USH2A: variants seen among roughly 807,000 people sequenced by gnomAD.
The protein encoded by USH2A is usherin.
A neutral mutation model predicts 538.9 loss-of-function variants in USH2A; 443 were observed. That is an observed-to-expected ratio of 0.82 (90% CI 0.76 to 0.89). The LOEUF (loss-of-function observed/expected upper bound fraction) is 0.89, where lower values mean the gene tolerates loss of function less well. Among genes scored for constraint, USH2A ranks in the 40% least tolerant of loss-of-function variants. USH2A has a pLI of 0.00. For missense variants in USH2A, 6,633 were observed against 6,324.8 expected (o/e 1.05, Z -1.65); for synonymous variants, 2,413 against 2,273.5 (o/e 1.06, Z -1.75).
At chr1:216,326,097 G>A (rs1413902420) in intron 5 of USH2A, among the ~76,000 whole-genome samples, 1 of 152,194 alleles carries the variant, frequency 6.6e-6, no homozygotes, top group Non-Finnish European at 1.5e-5. Flanking sequence ...AAGGCCATTT[G>A]TCAATGGTTT....
Position 215,904,845 on chromosome 1 carries a change from A to G in USH2A, c.7301-3940T>C, listed in dbSNP as rs116663641. Among the ~76,000 whole-genome samples, 575 of 152,244 alleles carry G rather than the reference A, an allele frequency of 3.8e-3. 1 individual carries two copies. The highest frequency in any genetic ancestry group is 6.4e-3 in the Non-Finnish European group (437 of 67,992). On this transcript the variant is annotated intron_variant, in intron 38 of 71. Transcript: ENST00000307340. ...AATTTAACCTGCTTCAGAAAATCAA[A>G]TTCATACAAAACATTAAGCAATAAA...
intron 43 of USH2A, among the ~76,000 whole-genome samples, chr1:215,876,096 G>C (rs1008238553): frequency 6.6e-6 from 1 of 151,830 alleles, no homozygotes; most frequent in African/African-American, 2.4e-5. Context: ...TCAGCACACA[G>C]TAAGCACAAA....
chr1:216,126,328 AT>A (rs1276119178), intron 21 of USH2A, among the ~76,000 whole-genome samples: 5 of 152,082 alleles, frequency 3.3e-5, no homozygotes, highest in South Asian at 2.1e-4. Context: ...AGTTCAAGCA[AT>A]TTTCCTGTAT....
intron 3 of USH2A, among the ~76,000 whole-genome samples, chr1:216,408,163 C>T (rs1459782804): frequency 2.6e-5 from 4 of 152,022 alleles, no homozygotes; most frequent in Admixed American, 2.6e-4. Flanking sequence ...TCATGGCTTG[C>T]TGTAGGTCTT....
chr1:215,947,561 C>G (rs1220993519), intron 37 of USH2A, among the ~76,000 whole-genome samples: 2 of 152,138 alleles, frequency 1.3e-5, no homozygotes, highest in African/African-American at 4.8e-5. Context: ...TACATATACT[C>G]ACAAGAGATG....
rs181034192 is a variant in USH2A, at chr1:216,262,363, A to C, written c.1972-11265T>G. Among the ~76,000 whole-genome samples the C allele has an allele frequency of 2.4e-4, 36 of 152,258 alleles. 1 individual carries two copies. The highest frequency in any genetic ancestry group is 2.4e-4 in the Non-Finnish European group (16 of 68,008). On this transcript the variant is annotated intron_variant, in intron 11 of 71. Transcript: ENST00000307340. ...TGATCTAAATCAGAAATTCAACAAG[A>C]AATTGGTATCATAAAAATGAACCAA... is the stretch of plus-strand genomic sequence containing the variant.
At chr1:216,268,145 C>A (rs1378563074) in intron 11 of USH2A, among the ~76,000 whole-genome samples, 1 of 152,052 alleles carries the variant, frequency 6.6e-6, no homozygotes, top group Admixed American at 6.6e-5. Flanking sequence ...TCTGTGGCTG[C>A]AGTCCTGCCT....
rs1318193989 is a variant in USH2A at position 215,786,810 on chromosome 1, C to T, written c.10247G>A (p.Cys3416Tyr). ...SMEATEHCGR[C>Y]DFNFTSHICT... Reference sequence around the variant, plus strand: ...AATGTGGCTGGTAAAGTTGAAGTCACACCTGCCACAATGTTCTGTGGCTTC... The same window carrying T: ...AATGTGGCTGGTAAAGTTGAAGTCATACCTGCCACAATGTTCTGTGGCTTC... The change falls in exon 52 of 72, where the codon TGT (cysteine) becomes TAT (tyrosine). Residue 3416 changes from cysteine (C) to tyrosine (Y), a missense_variant. Cys to Tyr is a radical substitution (Grantham distance 194). Coordinates refer to ENST00000307340, the MANE Select transcript of USH2A (RefSeq NM_206933.4). The T allele has an allele frequency of 9.3e-6, 15 of 1,613,606 alleles. No homozygotes were observed. The highest frequency in any genetic ancestry group is 2.2e-5 in the South Asian group (2 of 91,092).
chr1:215,901,368 TC>T, intron 38 of USH2A: 1 of 189,878 alleles, frequency 5.3e-6, no homozygotes, highest in Non-Finnish European at 1.1e-5. Flanking sequence ...TCTTTTCCTT[TC>T]TTTTTTTTTT....
rs2031195804 is a variant in USH2A, at chr1:216,061,838, C to A, written c.6049+8263G>T. On this transcript the variant is annotated intron_variant, in intron 30 of 71. Transcript: ENST00000307340. ...ACTTAAACTGGAAGCAAAATGCCAG[C>A]AAGCTCTCAGCACTCCTACTCTACC... Among the ~76,000 whole-genome samples the A allele has an allele frequency of 2.0e-5, 3 of 152,278 alleles. No individual in the cohort carries two copies. The South Asian group carries it at 6.2e-4, about 32-fold the overall frequency.
Position 216,364,814 on chromosome 1 carries a change from C to A in USH2A, c.784+139G>T. 2.6e-6 allele frequency: 3 copies of A among 1,138,870 alleles called. No homozygotes were observed. The South Asian group carries it at 4.3e-5, about 16-fold the overall frequency. 70.5% of individuals were successfully genotyped at this position (1,138,870 alleles called of 1,614,324 possible). A position where few individuals can be genotyped will look rare whatever the true frequency, so the allele number is the denominator to read the frequency against. ...AATAAATTTTACTTTCATTAATCTGCCATCCAGTTGGTGGTAATTTGTTCA... is the reference window on the plus strand; with the variant it reads ...AATAAATTTTACTTTCATTAATCTGACATCCAGTTGGTGGTAATTTGTTCA... On this transcript the variant is annotated intron_variant, in intron 4 of 71. Coordinates refer to ENST00000307340, the MANE Select transcript of USH2A (RefSeq NM_206933.4).
chr1:216,110,421 G>GA (rs2032838823), intron 21 of USH2A, among the ~76,000 whole-genome samples: 1 of 152,100 alleles, frequency 6.6e-6, no homozygotes. Context: ...AGGAAGAAAT[G>GA]AAAACATCAG....
At chr1:216,252,865 C>T (rs2036189838) in intron 11 of USH2A, among the ~76,000 whole-genome samples, 1 of 152,134 alleles carries the variant, frequency 6.6e-6, no homozygotes, top group South Asian at 2.1e-4. Flanking sequence ...AACATATAGG[C>T]ATACCATGAA....
chr1:215,652,317 C>T (rs1233833339), intron 64 of USH2A, among the ~76,000 whole-genome samples: 1 of 152,164 alleles, frequency 6.6e-6, no homozygotes, highest in African/African-American at 2.4e-5. Flanking sequence ...ATTCTGTATG[C>T]CATCCATATG....
intron 30 of USH2A, among the ~76,000 whole-genome samples, chr1:216,062,738 G>A (rs2031225916): frequency 2.0e-5 from 3 of 152,108 alleles, no homozygotes; most frequent in Non-Finnish European, 4.4e-5. Context: ...TCTACAAGCC[G>A]TGTTCTGAAC....
At chr1:216,007,646 A>G (rs1232282489) in intron 32 of USH2A, among the ~76,000 whole-genome samples, 1 of 152,230 alleles carries the variant, frequency 6.6e-6, no homozygotes, top group Non-Finnish European at 1.5e-5. Context: ...CCTTGTAAAG[A>G]TTTCAGTTGC....
At chr1:216,307,133 A>G (rs930738507) in intron 9 of USH2A, among the ~76,000 whole-genome samples, 2 of 152,048 alleles carry the variant, frequency 1.3e-5, no homozygotes, top group African/African-American at 4.8e-5. Context: ...AGAGCTCTCA[A>G]GAGATTATGT....
chr1:215,628,755 T>G, intron 71 of USH2A, 59 bp downstream of exon 71: 1 of 1,579,024 alleles, frequency 6.3e-7, no homozygotes, highest in Non-Finnish European at 8.7e-7. Context: ...CAGGCAGCTC[T>G]GTACCAATAT....
At chr1:215,627,417 C>CTTCCTTCCTTCTTTCCTTCCTTCT (rs1558027275) in intron 71 of USH2A, among the ~76,000 whole-genome samples, 23 of 113,882 alleles carry the variant, frequency 2.0e-4, no homozygotes, top group African/African-American at 4.1e-4. Flanking sequence ...TCCTTCCTTC[C>CTTCCTTCCTTCTTTCCTTCCTTCT]TTCCTTCCTT....
Sources: gnomAD v4.1 joint callset for allele counts (sites outside exome capture counted in the v4.1 genomes callset) on GRCh38, gnomAD v4.1.1 for gene constraint, MANE v1.5 for transcripts, NCBI Gene and HGNC (gene_info 2026-07-23, HGNC 2026-07-21) for gene names.